Variants in SKAP1 observed in about 807,000 individuals in gnomAD.
The protein encoded by SKAP1 is src kinase associated phosphoprotein 1.
Under a neutral mutation model 58.5 loss-of-function variants are expected in SKAP1, and 44 were observed. The ratio of observed to expected loss-of-function variants is 0.75; its 90% CI spans 0.59 to 0.97. The LOEUF (loss-of-function observed/expected upper bound fraction) is 0.97, where lower values mean the gene tolerates loss of function less well. SKAP1 is among the 50% of genes least tolerant of loss of function. The pLI, the probability that SKAP1 is intolerant of heterozygous loss-of-function variation, is 0.00. For synonymous variants in SKAP1, 127 were observed against 149.7 expected (o/e 0.85, Z 1.11); for missense variants, 390 against 435.2 (o/e 0.90, Z 0.92).
chr17:48,220,869 A>AG (rs2064996376), intron 4 of SKAP1, among the ~76,000 whole-genome samples: 2 of 120,562 alleles, frequency 1.7e-5, no homozygotes, highest in South Asian at 3.1e-4. Context: ...AAAAAAAAAA[A>AG]AAAAAAAAGA....
At chr17:48,431,546 G>A (rs2067915921), upstream of SKAP1, among the ~76,000 whole-genome samples, 1 of 152,166 alleles carries the variant, frequency 6.6e-6, no homozygotes, top group Non-Finnish European at 1.5e-5. Context: ...ATAAACTGCA[G>A]CTCTACTGTG....
chr17:48,411,517 T>C (rs766852186), intron 1 of SKAP1, among the ~76,000 whole-genome samples: 7 of 152,152 alleles, frequency 4.6e-5, no homozygotes, highest in Non-Finnish European at 1.0e-4. Context: ...TGGGGGAGCA[T>C]AACTCCCACT....
intron 4 of SKAP1, among the ~76,000 whole-genome samples, chr17:48,257,165 T>C (rs915496475): frequency 1.3e-5 from 2 of 152,070 alleles, no homozygotes; most frequent in Non-Finnish European, 2.9e-5. Flanking sequence ...TATCTTAACT[T>C]TTAAAAACAA....
chr17:48,339,953 C>A (rs12940162), intron 4 of SKAP1, among the ~76,000 whole-genome samples: 1 of 151,852 alleles, frequency 6.6e-6, no homozygotes, highest in Non-Finnish European at 1.5e-5. Context: ...GAGGCTGAGG[C>A]GGGTGGATCA....
intron 4 of SKAP1, among the ~76,000 whole-genome samples, chr17:48,224,069 A>AGGAGGAGGAGGAGGAGG (rs2065039121): frequency 4.5e-5 from 1 of 22,164 alleles, no homozygotes. Context: ...GAGGAGGAGA[A>AGGAGGAGGAGGAGGAGG]GGAGGAGGAG....
At chr17:48,213,534 C>T (rs1264339952) in intron 4 of SKAP1, among the ~76,000 whole-genome samples, 1 of 152,114 alleles carries the variant, frequency 6.6e-6, no homozygotes, top group Admixed American at 6.5e-5. Context: ...GGAGATTGAA[C>T]TGTGGCATCA....
chr17:48,270,059 C>T (rs1028691443), intron 4 of SKAP1, among the ~76,000 whole-genome samples: 66 of 151,954 alleles, frequency 4.3e-4, no homozygotes, highest in Non-Finnish European at 6.6e-4. Context: ...TGCAGTGAGC[C>T]AAGATGGCAC....
intron 4 of SKAP1, among the ~76,000 whole-genome samples, chr17:48,263,685 CA>C (rs1024081799): frequency 1.3e-4 from 19 of 151,416 alleles, no homozygotes; most frequent in African/African-American, 4.4e-4. Flanking sequence ...TTCTTGTCTC[CA>C]AAAAAAAGGT....
upstream of SKAP1, among the ~76,000 whole-genome samples, chr17:48,433,991 C>T (rs543484620): frequency 2.0e-5 from 3 of 152,320 alleles, no homozygotes; most frequent in South Asian, 2.1e-4. Flanking sequence ...TGGCTGGCAC[C>T]GCTCTGCCCT....
intron 1 of SKAP1, among the ~76,000 whole-genome samples, chr17:48,407,594 C>CA (rs1271783669): frequency 3.9e-5 from 6 of 152,270 alleles, no homozygotes; most frequent in African/African-American, 1.4e-4. Flanking sequence ...TGCAGTGGCT[C>CA]ACGCCTGTAA....
chr17:48,362,497 G>C (rs781435981), intron 3 of SKAP1, among the ~76,000 whole-genome samples: 1 of 152,218 alleles, frequency 6.6e-6, no homozygotes, highest in African/African-American at 2.4e-5. Flanking sequence ...CCCCTGAATA[G>C]TGCAATTCAC....
chr17:48,303,181 A>T (rs2066085331), intron 4 of SKAP1, among the ~76,000 whole-genome samples: 1 of 152,218 alleles, frequency 6.6e-6, no homozygotes, highest in Non-Finnish European at 1.5e-5. Context: ...GAAATATTGG[A>T]GAGTCTTACT....
At chr17:48,140,727 G>T (rs1039108695) in intron 11 of SKAP1, among the ~76,000 whole-genome samples, 1 of 151,470 alleles carries the variant, frequency 6.6e-6, no homozygotes, top group African/African-American at 2.4e-5. Context: ...AATCTCAGGA[G>T]TCATTCCCAA....
At chr17:48,220,852 C>CAAAAA (rs56006389) in intron 4 of SKAP1, among the ~76,000 whole-genome samples, 391 of 83,536 alleles carry the variant, frequency 4.7e-3, no homozygotes, top group Middle Eastern at 0.013. Flanking sequence ...GACTCCATCT[C>CAAAAA]AAAAAAAAAA....
At chr17:48,197,498 G>T (rs1353127024) in intron 4 of SKAP1, among the ~76,000 whole-genome samples, 1 of 152,012 alleles carries the variant, frequency 6.6e-6, no homozygotes, top group East Asian at 1.9e-4. Flanking sequence ...AGACCAGCCT[G>T]GCCAACATGG....
chr17:48,229,583 T>C (rs1379350455), intron 4 of SKAP1, among the ~76,000 whole-genome samples: 1 of 152,010 alleles, frequency 6.6e-6, no homozygotes, highest in Non-Finnish European at 1.5e-5. Flanking sequence ...ATCATGCCAC[T>C]GCACTCCAGC....
At chr17:48,278,831 T>C (rs928514985) in intron 4 of SKAP1, among the ~76,000 whole-genome samples, 1 of 152,134 alleles carries the variant, frequency 6.6e-6, no homozygotes, top group Non-Finnish European at 1.5e-5. Flanking sequence ...TCAGACATAT[T>C]GAGTCAGGTA....
chr17:48,168,314 G>A (rs2064165510), intron 10 of SKAP1, among the ~76,000 whole-genome samples: 1 of 152,136 alleles, frequency 6.6e-6, no homozygotes. Context: ...AAGGAAGAAG[G>A]GAAAGGTCAA....
chr17:48,408,754 T>C (rs2067622539), intron 1 of SKAP1, among the ~76,000 whole-genome samples: 1 of 152,192 alleles, frequency 6.6e-6, no homozygotes, highest in South Asian at 2.1e-4. Flanking sequence ...ACAGAAGTAT[T>C]CCCCAATGCC....
Sources: allele counts gnomAD v4.1 joint callset (sites outside exome capture counted in the v4.1 genomes callset), GRCh38; gene constraint gnomAD v4.1.1; transcripts MANE v1.5; gene names NCBI Gene and HGNC (gene_info 2026-07-23, HGNC 2026-07-21).